RESF1: variants seen among roughly 807,000 people sequenced by gnomAD.
RESF1 encodes the protein gonad expressed transcript.
A neutral mutation model predicts 134.7 loss-of-function variants in RESF1; 65 were observed. That is an observed-to-expected ratio of 0.48 (90% confidence interval 0.40 to 0.59). The LOEUF (loss-of-function observed/expected upper bound fraction) is 0.59, where lower values mean the gene tolerates loss of function less well. Ranked by LOEUF, RESF1 falls within the 20% of genes least tolerant of loss-of-function variation. The pLI is 0.00. For missense variants in RESF1, 2,274 were observed against 2,002.7 expected (o/e 1.14, Z -2.59); for synonymous variants, 762 against 702.2 (o/e 1.09, Z -1.35).
intron 5 of RESF1, 64 bp downstream of exon 5, chr12:31,987,386 A>G: frequency 2.2e-6 from 2 of 903,144 alleles, no homozygotes; most frequent in Non-Finnish European, 3.6e-6. Context: ...AAATTGGATT[A>G]TGGTTATGAT....
Position 31,982,598 on chromosome 12 carries a change from T to C in RESF1, c.1643T>C (p.Val548Ala). 6.2e-7 allele frequency: 1 copy of C among 1,613,982 alleles called. No homozygotes were observed. The highest frequency in any genetic ancestry group is 1.6e-4 in the Middle Eastern group (1 of 6,062). Residue 548 changes from valine (V) to alanine (A), a missense_variant, in exon 4 of 6, where the codon GTT becomes GCT. By Grantham distance (64) the Val-to-Ala change is moderately conservative (BLOSUM62 0). Transcript: ENST00000312561. ...VLNTQLSSEN[V>A]TKVEQNSPAV... ...AATACTCAGCTTTCATCAGAAAATG[T>C]TACCAAAGTTGAGCAAAATTCACCA... is the stretch of plus-strand genomic sequence containing the variant.
Position 31,985,243 on chromosome 12 carries a change from TCTGTAGACACG to T in RESF1, c.4289_4299del (p.Ser1430Ter). The T allele has an allele frequency of 6.2e-7, 1 of 1,608,352 alleles. No individual in the cohort carries two copies. Among genetic ancestry groups the T allele is most frequent in the Non-Finnish European group, 8.5e-7 (1 of 1,178,708 alleles). ...AGAAAAGATGGTATCAAATACTAAG[TCTGTAGACACG>T]AAAGCGAGTTCATCTAAATTTAGTA... On this transcript the variant is annotated frameshift_variant, in exon 4 of 6. Transcript: ENST00000312561. LOFTEE classifies it high-confidence loss of function.
At chr12:31,987,895 C>A (rs933681686) in intron 5 of RESF1, among the ~76,000 whole-genome samples, 1 of 152,008 alleles carries the variant, frequency 6.6e-6, no homozygotes, top group Non-Finnish European at 1.5e-5. Flanking sequence ...CCACCACGCC[C>A]AGCTAATTTT....
At chr12:31,962,455 C>G (rs1398479226) in intron 2 of RESF1, 1 of 152,140 alleles carries the variant, frequency 6.6e-6, no homozygotes, top group Non-Finnish European at 1.5e-5. Context: ...ATTCTAAATG[C>G]TTTGTTGGGT....
At chr12:31,960,056 A>C (rs990352828) in intron 1 of RESF1, among the ~76,000 whole-genome samples, 1 of 151,424 alleles carries the variant, frequency 6.6e-6, no homozygotes, top group Admixed American at 6.6e-5. Flanking sequence ...ACTGGCATCT[A>C]TCTCCAAGTG....
Position 31,992,476 on chromosome 12 carries a change from T to C in RESF1, c.5185T>C (p.Tyr1729His). The C allele has an allele frequency of 1.2e-6, 2 of 1,614,002 alleles. No homozygotes were observed. The highest frequency in any genetic ancestry group is 1.1e-5 in the South Asian group (1 of 91,086). The change falls in exon 6 of 6, where the codon TAC becomes CAC. Residue 1729 changes from tyrosine to histidine, a missense_variant. Physicochemically the swap from Tyr to His is moderately conservative, Grantham distance 83 (BLOSUM62 2). Coordinates refer to ENST00000312561, the MANE Select transcript of RESF1 (RefSeq NM_018169.4). The part of the protein sequence containing the change: ...VKDSKEMFQT[Y>H]KQMYLEKRSR... ...AGATTCAAAAGAAATGTTTCAAACC[T>C]ACAAACAGATGTACCTGGAGAAGAG...
chr12:31,983,050 A>G lies in RESF1; in HGVS notation c.2095A>G (p.Asn699Asp), dbSNP rs1458534209. The change falls in exon 4 of 6, where the codon AAC becomes GAC. Residue 699 changes from asparagine to aspartate, a missense_variant. By Grantham distance (23) the Asn-to-Asp change is conservative. Transcript: ENST00000312561. ...KEKECDKLRT[N>D]TTAVGISKPA... is the part of the protein sequence containing the mutation. ...AAAGGAGTGTGATAAACTCAGAACA[A>G]ACACAACAGCAGTTGGAATTTCAAA... 1 of 1,614,034 alleles carries G rather than the reference A, an allele frequency of 6.2e-7. No individual in the cohort carries two copies. The highest frequency in any genetic ancestry group is 1.7e-5 in the Admixed American group (1 of 60,022).
At chr12:31,986,194 A>G (rs1939968849) in intron 4 of RESF1, among the ~76,000 whole-genome samples, 1 of 152,232 alleles carries the variant, frequency 6.6e-6, no homozygotes, top group South Asian at 2.1e-4. Context: ...AGCTATATGT[A>G]AAACTTGCCA....
At position 31,985,128 on chromosome 12, in the gene RESF1, A is replaced by G; in HGVS notation, c.4173A>G (p.Lys1391=). The G allele has an allele frequency of 2.6e-6, 4 of 1,547,788 alleles. No individual in the cohort carries two copies. Among genetic ancestry groups the G allele is most frequent in the Non-Finnish European group, 3.5e-6 (4 of 1,155,522 alleles). Residue 1391 remains lysine, a synonymous_variant, in exon 4 of 6, where the codon AAA becomes AAG. Transcript: ENST00000312561. ...TAGATATGGAAGTAAAGAAAAAGAA[A>G]CATGATAAACAAGAACAGAAAGGAA... is the stretch of plus-strand genomic sequence containing the variant. The part of the protein sequence containing the change: ...NVLDMEVKKK[K]HDKQEQKGSV...
chr12:31,976,737 G>T (rs1441896126), intron 3 of RESF1, among the ~76,000 whole-genome samples: 6 of 152,092 alleles, frequency 3.9e-5, no homozygotes, highest in Admixed American at 2.0e-4. Context: ...AGTGGAAATG[G>T]ATCATCATAA....
At chr12:31,973,126 TTC>T (rs1014806030) in intron 3 of RESF1, among the ~76,000 whole-genome samples, 4 of 152,164 alleles carry the variant, frequency 2.6e-5, no homozygotes, top group Non-Finnish European at 5.9e-5. Flanking sequence ...CGAGAATTTA[TTC>T]TCTCAGAGAA....
In RESF1 at chr12:31,985,262, G is replaced by A. The variant is rs200124166; in HGVS notation, c.4307G>A (p.Ser1436Asn). 1 of 1,611,106 alleles carries A rather than the reference G, an allele frequency of 6.2e-7. No individual in the cohort carries two copies. Among genetic ancestry groups the A allele is most frequent in the East Asian group, 2.2e-5 (1 of 44,868 alleles). The change falls in exon 4 of 6, where the codon AGT (serine) becomes AAT (asparagine). Residue 1436 changes from serine to asparagine, a missense_variant. Physicochemically the swap from Ser to Asn is conservative, Grantham distance 46. Transcript: ENST00000312561. ...SNTKSVDTKA[S>N]SSKFSRILTP... ...ACTAAGTCTGTAGACACGAAAGCGA[G>A]TTCATCTAAATTTAGTAGAATTCTA... is the stretch of plus-strand genomic sequence containing the variant.
At chr12:31,961,212 G>A (rs1939258504) in intron 2 of RESF1, among the ~76,000 whole-genome samples, 1 of 152,188 alleles carries the variant, frequency 6.6e-6, no homozygotes, top group African/African-American at 2.4e-5. Context: ...GTGGCACATA[G>A]GGGAATGTGG....
At chr12:31,979,053 T>A (rs941601576) in intron 3 of RESF1, among the ~76,000 whole-genome samples, 2 of 151,802 alleles carry the variant, frequency 1.3e-5, no homozygotes, top group African/African-American at 4.8e-5. Flanking sequence ...TCTGAGTAGC[T>A]GGGACTACAG....
At chr12:31,966,789 CAA>C (rs1190553222) in intron 2 of RESF1, among the ~76,000 whole-genome samples, 2 of 152,134 alleles carry the variant, frequency 1.3e-5, no homozygotes, top group Non-Finnish European at 2.9e-5. Context: ...TTGCCTAAGA[CAA>C]AGTACAATGG....
At chr12:31,991,372 A>T (rs1275007332) in intron 5 of RESF1, among the ~76,000 whole-genome samples, 1 of 152,224 alleles carries the variant, frequency 6.6e-6, no homozygotes, top group African/African-American at 2.4e-5. Flanking sequence ...AAAGAAAGCA[A>T]ACGAAAAAGT....
Position 31,984,991 on chromosome 12 carries a change from G to A in RESF1, c.4036G>A (p.Val1346Met), listed in dbSNP as rs1333235817. The stretch of plus-strand genomic sequence containing the variant: ...AACAGCTTTTTTGCCAAATAAAGAT[G>A]TGTATAAGAAGCATAGTTCTTTGGG... Reference protein sequence around the residue: ...TKTAFLPNKDVYKKHSSLGQS... With the variant: ...TKTAFLPNKDMYKKHSSLGQS... The change falls in exon 4 of 6, where the codon GTG becomes ATG. Residue 1346 changes from valine to methionine, a missense_variant. Coordinates refer to ENST00000312561, the MANE Select transcript of RESF1 (RefSeq NM_018169.4). 6.2e-7 allele frequency: 1 copy of A among 1,611,844 alleles called. No homozygotes were observed. The highest frequency in any genetic ancestry group is 1.1e-5 in the South Asian group (1 of 90,212).
At chr12:31,962,749 GATT>G (rs2120751844) in intron 2 of RESF1, among the ~76,000 whole-genome samples, 1 of 152,348 alleles carries the variant, frequency 6.6e-6, no homozygotes, top group Non-Finnish European at 1.5e-5. Flanking sequence ...ACCATAAGGT[GATT>G]ATTATTTTTC....
chr12:31,980,672 G>A (rs574714754), intron 3 of RESF1, among the ~76,000 whole-genome samples: 1 of 152,250 alleles, frequency 6.6e-6, no homozygotes, highest in African/African-American at 2.4e-5. Flanking sequence ...TCATTGTGTG[G>A]AATGAATTTC....
Sources: allele counts gnomAD v4.1 joint callset (sites outside exome capture counted in the v4.1 genomes callset), GRCh38; gene constraint gnomAD v4.1.1; transcripts MANE v1.5; gene names NCBI Gene and HGNC (gene_info 2026-07-23, HGNC 2026-07-21).